The following SLC12A8 variants were observed in gnomAD, a reference collection of about 807,000 sequenced individuals.
SLC12A8 encodes the protein solute carrier family 12 member 8, also known as cation-chloride cotransporter 9.
In SLC12A8, 69 loss-of-function variants were observed where a neutral mutation model predicts 75.6. The ratio of observed to expected loss-of-function variants is 0.91; its 90% CI spans 0.75 to 1.11. SLC12A8 has a LOEUF of 1.11. Ranked by LOEUF, SLC12A8 falls within the 50% of genes most tolerant of loss-of-function variation. SLC12A8 has a pLI of 0.00. For synonymous variants in SLC12A8, 365 were observed against 372.8 expected (o/e 0.98, Z 0.24); for missense variants, 877 against 896.7 (o/e 0.98, Z 0.28).
At chr3:125,102,065 A>G (rs1028922365) in intron 10 of SLC12A8, among the ~76,000 whole-genome samples, 6 of 152,200 alleles carry the variant, frequency 3.9e-5, no homozygotes, top group Non-Finnish European at 7.3e-5. Flanking sequence ...CAAATGTGAT[A>G]TAAATATGAT....
chr3:125,178,475 G>A (rs926761317), intron 4 of SLC12A8, among the ~76,000 whole-genome samples: 7 of 151,808 alleles, frequency 4.6e-5, no homozygotes, highest in African/African-American at 9.7e-5. Context: ...CTTTTTCAAC[G>A]TCATATGTGG....
intron 13 of SLC12A8, 113 bp downstream of exon 13, chr3:125,088,197 G>T (rs1938507260): frequency 1.9e-6 from 2 of 1,025,772 alleles, no homozygotes; most frequent in South Asian, 2.8e-5. Context: ...CCAGTTGTTA[G>T]GTTCCCATGC....
rs1019588916 is a variant in SLC12A8 at position 125,083,897 on chromosome 3, T to C, written c.2138A>G (p.His713Arg). ...AAGGTCCCAGCACTGCATCTAGTAG[T>C]GAGGCATCAGCTGCTCCCGGTTCAC... Reference protein sequence around the residue: ...SLVNREQLMPHY With the variant: ...SLVNREQLMPRY The change falls in exon 14 of 14, where the codon CAC (histidine) becomes CGC (arginine). Residue 713 changes from histidine to arginine, a missense_variant. Transcript: ENST00000469902. 6.2e-7 allele frequency: 1 copy of C among 1,612,406 alleles called. No homozygotes were observed. The highest frequency in any genetic ancestry group is 2.2e-5 in the East Asian group (1 of 44,804).
intron 2 of SLC12A8, among the ~76,000 whole-genome samples, chr3:125,200,540 T>G (rs6766250): frequency 0.6 from 91,787 of 151,998 alleles, 28,408 homozygotes; most frequent in Non-Finnish European, 0.68. Context: ...ACAGAATGGG[T>G]TTTTTGGCTG....
intron 5 of SLC12A8, among the ~76,000 whole-genome samples, chr3:125,167,703 C>G (rs1260789849): frequency 6.6e-6 from 1 of 152,214 alleles, no homozygotes. Context: ...CAGACCATGC[C>G]TTCTTCATGT....
At chr3:125,140,224 T>A (rs143256949) in intron 5 of SLC12A8, among the ~76,000 whole-genome samples, 1 of 152,376 alleles carries the variant, frequency 6.6e-6, no homozygotes, top group Non-Finnish European at 1.5e-5. Flanking sequence ...GACCAGTGAC[T>A]GAACCCTTCC....
intron 8 of SLC12A8, among the ~76,000 whole-genome samples, chr3:125,118,461 C>CAAAAAATTAAAA (rs1553787818): frequency 6.6e-6 from 1 of 151,376 alleles, no homozygotes; most frequent in East Asian, 1.9e-4. Flanking sequence ...TCATCTCTAC[C>CAAAAAATTAAAA]AAAAAATTAA....
At chr3:125,088,104 G>C (rs915224145) in intron 13 of SLC12A8, 2 of 581,716 alleles carry the variant, frequency 3.4e-6, no homozygotes, top group East Asian at 5.7e-5. Context: ...CATGAGCCTA[G>C]AGGAAGCTTC....
At chr3:125,095,810 C>G (rs940328324) in intron 10 of SLC12A8, among the ~76,000 whole-genome samples, 1 of 152,220 alleles carries the variant, frequency 6.6e-6, no homozygotes. Context: ...GTTGGAACAC[C>G]CTTCTTGCAC....
intron 6 of SLC12A8, among the ~76,000 whole-genome samples, chr3:125,128,469 C>T (rs1253586756): frequency 2.2e-5 from 3 of 138,622 alleles, no homozygotes; most frequent in South Asian, 2.3e-4. Flanking sequence ...CGTGAGCCAC[C>T]GCGCCCGGCC....
chr3:125,137,305 A>G (rs1933516933), intron 5 of SLC12A8, among the ~76,000 whole-genome samples: 1 of 152,214 alleles, frequency 6.6e-6, no homozygotes, highest in Non-Finnish European at 1.5e-5. Context: ...GACTTAAATC[A>G]TTGTCAATTG....
intron 5 of SLC12A8, among the ~76,000 whole-genome samples, chr3:125,136,117 C>T (rs925950006): frequency 3.3e-5 from 5 of 152,170 alleles, no homozygotes; most frequent in Non-Finnish European, 7.3e-5. Context: ...GTTTGTTTTC[C>T]ATTTAAAAAA....
At chr3:125,177,721 T>C (rs1237952996) in intron 5 of SLC12A8, 22 bp downstream of exon 5, 1 of 1,589,370 alleles carries the variant, frequency 6.3e-7, no homozygotes, top group South Asian at 1.1e-5. Flanking sequence ...TAAGGCCACA[T>C]ACTGGACTCT....
chr3:125,173,373 C>A lies in SLC12A8; in HGVS notation c.622+4370G>T, dbSNP rs1934447266. ...ACAAATACAGTCAACTGATATTTGA[C>A]AAAGGCACAAAAGCAACTCAATGGA... On this transcript the variant is annotated intron_variant, in intron 5 of 13. Transcript: ENST00000469902. Among the ~76,000 whole-genome samples the A allele has an allele frequency of 2.3e-5, 3 of 127,874 alleles. No individual in the cohort carries two copies. The South Asian group carries it at 7.8e-4, about 33-fold the overall frequency. The allele number at this position is 127,874 out of a possible 152,430, so 83.9% of individuals were successfully genotyped here.
chr3:125,149,255 C>A (rs570729060), intron 5 of SLC12A8, among the ~76,000 whole-genome samples: 1 of 152,254 alleles, frequency 6.6e-6, no homozygotes, highest in Admixed American at 6.5e-5. Context: ...CCAGGTCCCA[C>A]GGCCTCTTCA....
intron 5 of SLC12A8, among the ~76,000 whole-genome samples, chr3:125,163,556 G>A (rs1197468788): frequency 2.3e-4 from 33 of 146,396 alleles, no homozygotes; most frequent in Non-Finnish European, 3.7e-4. Context: ...CTGAGATTGC[G>A]CCACTGCACT....
chr3:125,133,077 G>C (rs970901548), intron 6 of SLC12A8, among the ~76,000 whole-genome samples: 2 of 152,198 alleles, frequency 1.3e-5, no homozygotes, highest in Non-Finnish European at 1.5e-5. Context: ...CCAAAGGAGA[G>C]ACTGGGAGAG....
rs112132873 is a variant in SLC12A8, at chr3:125,211,499, C to T, written c.-45-105G>A. The T allele has an allele frequency of 4.8e-3, 3,454 of 722,138 alleles. 15 individuals carry two copies. The highest frequency in any genetic ancestry group is 6.7e-3 in the Non-Finnish European group (2,717 of 405,782). 44.7% of individuals were successfully genotyped at this position (722,138 alleles called of 1,614,324 possible). ...ATTGTTCAAACTACCAGGCGAGGCC[C>T]TGGCTGAGGAAGAAACCTTGTCTAC... On this transcript the variant is annotated intron_variant, in intron 1 of 13. Coordinates refer to ENST00000469902, the MANE Select transcript of SLC12A8 (RefSeq NM_024628.6).
intron 5 of SLC12A8, among the ~76,000 whole-genome samples, chr3:125,150,115 A>G (rs534639308): frequency 9.2e-5 from 14 of 152,344 alleles, no homozygotes; most frequent in African/African-American, 2.9e-4. Context: ...TCTATGTTAA[A>G]AATACTTATT....
Sources: gnomAD v4.1 joint callset for allele counts (sites outside exome capture counted in the v4.1 genomes callset) on GRCh38, gnomAD v4.1.1 for gene constraint, MANE v1.5 for transcripts, NCBI Gene and HGNC (gene_info 2026-07-23, HGNC 2026-07-21) for gene names.